The following MPPED1 variants were observed in gnomAD, a reference collection of about 807,000 sequenced individuals.
MPPED1 encodes metallophosphoesterase domain-containing protein 1.
In MPPED1, 16 loss-of-function variants were observed where a neutral mutation model predicts 36.2. The ratio of observed to expected loss-of-function variants is 0.44; its 90% CI spans 0.30 to 0.67. MPPED1 has a LOEUF of 0.67. MPPED1 is among the 30% of genes least tolerant of loss of function. The pLI, the probability that MPPED1 is intolerant of heterozygous loss-of-function variation, is 0.10. For missense variants in MPPED1, 307 were observed against 453.4 expected (o/e 0.68, Z 2.93); for synonymous variants, 199 against 191.3 (o/e 1.04, Z -0.33).
At chr22:43,464,303 G>A in intron 3 of MPPED1, among the ~76,000 whole-genome samples, 1 of 121,370 alleles carries the variant, frequency 8.2e-6, no homozygotes, top group Non-Finnish European at 1.8e-5. Flanking sequence ...GTGTGTGTGT[G>A]TGTGTGTGTG....
chr22:43,439,056 CCTA>C (rs1330126095), intron 3 of MPPED1, among the ~76,000 whole-genome samples: 3 of 152,204 alleles, frequency 2.0e-5, no homozygotes, highest in Non-Finnish European at 4.4e-5. Context: ...TTAATAAAGA[CCTA>C]CCGTATAAGA....
At chr22:43,458,746 CT>C (rs1930842013) in intron 3 of MPPED1, among the ~76,000 whole-genome samples, 1 of 152,124 alleles carries the variant, frequency 6.6e-6, no homozygotes, top group African/African-American at 2.4e-5. Context: ...CAGTTTGTTT[CT>C]GTTTATCTGG....
At chr22:43,463,315 G>A (rs1459848659) in intron 3 of MPPED1, among the ~76,000 whole-genome samples, 1 of 148,702 alleles carries the variant, frequency 6.7e-6, no homozygotes, top group African/African-American at 2.5e-5. Context: ...CTCAGATGTT[G>A]GGCTTATGAT....
intron 4 of MPPED1, among the ~76,000 whole-genome samples, chr22:43,478,517 G>A (rs2146890048): frequency 6.6e-6 from 1 of 152,214 alleles, no homozygotes; most frequent in South Asian, 2.1e-4. Context: ...GGCTTCCCAT[G>A]GGGAAAGCCA....
At chr22:43,487,581 G>A (rs1348471041) in intron 4 of MPPED1, among the ~76,000 whole-genome samples, 1 of 152,186 alleles carries the variant, frequency 6.6e-6, no homozygotes, top group South Asian at 2.1e-4. Flanking sequence ...AGGGGTGCAG[G>A]CCTCTTCCCC....
intron 3 of MPPED1, among the ~76,000 whole-genome samples, chr22:43,445,603 C>G (rs1236528613): frequency 6.7e-6 from 1 of 149,154 alleles, no homozygotes; most frequent in African/African-American, 2.5e-5. Flanking sequence ...CTCTGTTGCC[C>G]AGTCTGGAGT....
intron 4 of MPPED1, among the ~76,000 whole-genome samples, chr22:43,496,037 G>A (rs910452913): frequency 5.0e-3 from 307 of 61,494 alleles, no homozygotes; most frequent in Non-Finnish European, 5.8e-3. Context: ...GGTGGAGGTG[G>A]TGGTGGTGGA....
intron 1 of MPPED1, among the ~76,000 whole-genome samples, chr22:43,419,742 G>C (rs920957627): frequency 6.6e-6 from 1 of 151,718 alleles, no homozygotes; most frequent in African/African-American, 2.4e-5. Flanking sequence ...GTTTGGGGGT[G>C]GGGGGTGGTC....
rs369433390 is a variant in MPPED1 at position 43,440,477 on chromosome 22, G to A, written c.406+5262G>A. Among the ~76,000 whole-genome samples the A allele has an allele frequency of 3.7e-3, 570 of 152,278 alleles. 1 individual carries two copies. Among genetic ancestry groups the A allele is most frequent in the Middle Eastern group, 0.017 (5 of 294 alleles). On this transcript the variant is annotated intron_variant, in intron 3 of 6. Coordinates refer to ENST00000443721, the MANE Select transcript of MPPED1 (RefSeq NM_001044370.2). ...CCTCCTCCCAGGATGCCCTACAGAGGCAGCCACTGACCCCAAGGCCCTGGC... is the reference window on the plus strand; with the variant it reads ...CCTCCTCCCAGGATGCCCTACAGAGACAGCCACTGACCCCAAGGCCCTGGC...
At chr22:43,464,302 T>A (rs1931084760) in intron 3 of MPPED1, among the ~76,000 whole-genome samples, 1 of 106,202 alleles carries the variant, frequency 9.4e-6, no homozygotes, top group Admixed American at 8.8e-5. Flanking sequence ...TGTGTGTGTG[T>A]GTGTGTGTGT....
intron 3 of MPPED1, among the ~76,000 whole-genome samples, chr22:43,466,553 T>A (rs1426312452): frequency 6.6e-6 from 1 of 152,202 alleles, no homozygotes; most frequent in Non-Finnish European, 1.5e-5. Flanking sequence ...ATTTTCTGTA[T>A]TCTGATGCTT....
chr22:43,412,624 G>C (rs1928941888), intron 1 of MPPED1, among the ~76,000 whole-genome samples: 2 of 152,002 alleles, frequency 1.3e-5, no homozygotes, highest in Non-Finnish European at 2.9e-5. Context: ...GCTAGGTATT[G>C]CTGGAAACTT....
At position 43,502,527 on chromosome 22, in the gene MPPED1, A is replaced by C; in HGVS notation, c.749-117A>C. On this transcript the variant is annotated intron_variant, in intron 5 of 6. Coordinates refer to ENST00000443721, the MANE Select transcript of MPPED1 (RefSeq NM_001044370.2). The surrounding 1 kb of genome is among the most constrained non-coding windows in gnomAD (Gnocchi z 5.5). ...AGCTTGCTAGGGGAGAGTGGTGCAA[A>C]GCCGGAGTCCGGAAGCCCCATGCCT... is the stretch of plus-strand genomic sequence containing the variant. The C allele has an allele frequency of 1.3e-6, 1 of 747,046 alleles. No individual in the cohort carries two copies. The highest frequency in any genetic ancestry group is 2.3e-6 in the Non-Finnish European group (1 of 442,704). 46.3% of individuals were successfully genotyped at this position (747,046 alleles called of 1,614,324 possible).
intron 1 of MPPED1, among the ~76,000 whole-genome samples, chr22:43,423,953 C>T (rs1240754560): frequency 6.6e-6 from 1 of 152,166 alleles, no homozygotes; most frequent in African/African-American, 2.4e-5. Flanking sequence ...GTCTGACTAA[C>T]GAGGCGTCGG....
At chr22:43,429,805 T>G (rs1601950901) in intron 2 of MPPED1, among the ~76,000 whole-genome samples, 6 of 148,248 alleles carry the variant, frequency 4.0e-5, no homozygotes, top group South Asian at 2.2e-4. Context: ...GGACTTTCTG[T>G]GGGGGTGGGG....
intron 3 of MPPED1, among the ~76,000 whole-genome samples, chr22:43,448,987 C>CT (rs200304155): frequency 0.023 from 3,408 of 150,924 alleles, 116 homozygotes; most frequent in East Asian, 0.13. Flanking sequence ...GCCCCTGACT[C>CT]TTTTTTTTTA....
chr22:43,478,942 G>A (rs1242801313), intron 4 of MPPED1, among the ~76,000 whole-genome samples: 8 of 152,128 alleles, frequency 5.3e-5, no homozygotes, highest in African/African-American at 7.2e-5. Context: ...CTCAGCTGCC[G>A]GTATCCCCAG....
intron 5 of MPPED1, among the ~76,000 whole-genome samples, chr22:43,499,921 TGG>T (rs1569091410): frequency 1.0e-4 from 9 of 89,172 alleles, no homozygotes; most frequent in East Asian, 7.2e-4. Context: ...ATGGAGGTGG[TGG>T]TGGTGATGGT....
At chr22:43,478,251 T>C (rs542368949) in intron 4 of MPPED1, among the ~76,000 whole-genome samples, 2 of 152,184 alleles carry the variant, frequency 1.3e-5, no homozygotes, top group Non-Finnish European at 2.9e-5. Context: ...TTTGGGTGCA[T>C]ATGGGCCTTT....
Sources: allele counts gnomAD v4.1 joint callset (sites outside exome capture counted in the v4.1 genomes callset), GRCh38; gene constraint gnomAD v4.1.1; non-coding constraint Gnocchi (gnomAD v3.1); transcripts MANE v1.5; gene names NCBI Gene and HGNC (gene_info 2026-07-23, HGNC 2026-07-21).